Variants in TRIM28 observed in about 807,000 individuals in gnomAD.
TRIM28 encodes transcription intermediary factor 1-beta.
A neutral mutation model predicts 87.4 loss-of-function variants in TRIM28; 8 were observed. The ratio of observed to expected loss-of-function variants is 0.09; its 90% CI spans 0.05 to 0.17. TRIM28 has a LOEUF of 0.17. TRIM28 is among the 10% of genes least tolerant of loss of function. The pLI is 1.00. For synonymous variants in TRIM28, 601 were observed against 454.3 expected, an observed-to-expected ratio of 1.32 and a Z score of -4.11; for missense variants, 968 against 1,131.8, an observed-to-expected ratio of 0.86 and a Z score of 2.08.
At position 58,549,148 on chromosome 19, in the gene TRIM28, C is replaced by T. The variant is rs1306601955; in HGVS notation, c.1570C>T (p.Arg524Cys). ...TEDYNLIVIE[R>C]GAAAAATGQP... The stretch of plus-strand genomic sequence containing the variant: ...GGACTACAACCTTATTGTTATTGAA[C>T]GTGGCGCTGCCGCTGCAGCTACCGG... The change falls in exon 12 of 17, where the codon CGT (arginine) becomes TGT (cysteine). Residue 524 changes from arginine (R) to cysteine (C), a missense_variant. Physicochemically the swap from Arg to Cys is radical, Grantham distance 180. This residue lies in a region of TRIM28 where 23 missense variants were observed against 56.7 expected (regional missense o/e 0.41). Coordinates refer to ENST00000253024, the MANE Select transcript of TRIM28 (RefSeq NM_005762.3). The surrounding 1 kb of genome is among the most constrained non-coding windows in gnomAD (Gnocchi z 4.4). The T allele has an allele frequency of 7.4e-6, 12 of 1,613,974 alleles. No homozygotes were observed. The highest frequency in any genetic ancestry group is 2.2e-5 in the East Asian group (1 of 44,898).
At position 58,549,960 on chromosome 19, in the gene TRIM28, T is replaced by C; in HGVS notation, c.2118T>C (p.Arg706=). Residue 706 remains arginine (R), a synonymous_variant, in exon 15 of 17, where the codon CGT becomes CGC. Coordinates refer to ENST00000253024, the MANE Select transcript of TRIM28 (RefSeq NM_005762.3). The surrounding 1 kb of genome is among the most constrained non-coding windows in gnomAD (Gnocchi z 4.4). ...LSPANQRKCE[R]VLLALFCHEP... The stretch of plus-strand genomic sequence containing the variant: ...TACAATGTTTGTAGAAATGTGAGCG[T>C]GTACTGCTGGCCCTATTCTGTCACG... The C allele has an allele frequency of 6.2e-7, 1 of 1,614,050 alleles. No individual in the cohort carries two copies. Among genetic ancestry groups the C allele is most frequent in the Non-Finnish European group, 8.5e-7 (1 of 1,179,994 alleles).
rs1173221368 is a variant in TRIM28, at chr19:58,544,691, G to A, written c.-67G>A. On this transcript the variant is annotated 5_prime_UTR_variant, in exon 1 of 17. Transcript: ENST00000253024. ...AGCGGCCCAGCAGTTGGCGGCGAGC[G>A]CGTCTGCGCCTGCGCGGCGGGCCCC... 2.8e-6 allele frequency: 2 copies of A among 702,784 alleles called. No homozygotes were observed. The highest frequency in any genetic ancestry group is 2.0e-5 in the African/African-American group (1 of 50,874). 43.5% of individuals were successfully genotyped at this position (702,784 alleles called of 1,614,324 possible).
rs1298672984 is a variant in TRIM28, at chr19:58,544,775, G to GGCAGCCTCGGCAGCA, written c.21_35dup (p.Ala12_Ala16dup). The GGCAGCCTCGGCAGCA allele has an allele frequency of 8.6e-7, 1 of 1,156,274 alleles. No homozygotes were observed. The highest frequency in any genetic ancestry group is 1.1e-6 in the Non-Finnish European group (1 of 940,838). The allele number at this position is 1,156,274 out of a possible 1,614,324, so 71.6% of individuals were successfully genotyped here. A position where few individuals can be genotyped will look rare whatever the true frequency, so the allele number is the denominator to read the frequency against. ...GCGTGTGAATGGCGGCCTCCGCGGC[G>GGCAGCCTCGGCAGCA]GCAGCCTCGGCAGCAGCGGCCTCGG... On this transcript the variant is annotated inframe_insertion, in exon 1 of 17. Transcript: ENST00000253024.
At chr19:58,548,934 G>A (rs376609483) in intron 11 of TRIM28, 24 bp downstream of exon 11, 129 of 1,613,960 alleles carry the variant, frequency 8.0e-5, no homozygotes, top group Non-Finnish European at 9.8e-5. Flanking sequence ...CTCCCCTGGG[G>A]GTGAGGTGGA....
At position 58,550,538 on chromosome 19, in the gene TRIM28, T is replaced by C. The variant is rs755794087; in HGVS notation, c.2493T>C (p.Pro831=). ...GLSSQELSGG[P]GDGP ...GTTCCCAGGAGCTGTCTGGTGGCCC[T>C]GGTGATGGCCCCTGAGGCTGGAGCC... is the stretch of plus-strand genomic sequence containing the variant. Residue 831 remains proline, a synonymous_variant, in exon 17 of 17, where the codon CCT becomes CCC. Coordinates refer to ENST00000253024, the MANE Select transcript of TRIM28 (RefSeq NM_005762.3). 2.5e-6 allele frequency: 4 copies of C among 1,608,558 alleles called. No homozygotes were observed. The highest frequency in any genetic ancestry group is 3.4e-6 in the Non-Finnish European group (4 of 1,179,758).
intron 1 of TRIM28, 51 bp from the exon 2 acceptor site, chr19:58,545,374 A>G (rs537221411): frequency 3.4e-6 from 5 of 1,470,960 alleles, no homozygotes; most frequent in South Asian, 1.2e-5. Context: ...GGTGGGGGCC[A>G]TAACCTGGGT....
At position 58,550,657 on chromosome 19, in the gene TRIM28, C is replaced by T; in HGVS notation, c.*104C>T. The stretch of plus-strand genomic sequence containing the variant: ...ACTCCCACTCCCTGGTGGCCCCATC[C>T]CCCAGTTCCTCACGATATGGTTTTT... On this transcript the variant is annotated 3_prime_UTR_variant, in exon 17 of 17. Transcript: ENST00000253024. 3.4e-6 allele frequency: 4 copies of T among 1,161,562 alleles called. No individual in the cohort carries two copies. The highest frequency in any genetic ancestry group is 3.6e-6 in the Non-Finnish European group (3 of 836,924). 72.0% of individuals were successfully genotyped at this position (1,161,562 alleles called of 1,614,324 possible).
rs2053746901 is a variant in TRIM28 at position 58,544,939 on chromosome 19, T to C, written c.182T>C (p.Leu61Pro). 6.9e-7 allele frequency: 1 copy of C among 1,459,592 alleles called. No individual in the cohort carries two copies. The highest frequency in any genetic ancestry group is 9.0e-7 in the Non-Finnish European group (1 of 1,115,968). 90.4% of individuals were successfully genotyped at this position (1,459,592 alleles called of 1,614,324 possible). The change falls in exon 1 of 17, where the codon CTG (leucine) becomes CCG (proline). Residue 61 changes from leucine to proline, a missense_variant. This residue lies in a region of TRIM28 where 208 missense variants were observed against 170.9 expected (regional missense o/e 1.22). Transcript: ENST00000253024. ...PAGGGAEALE[L>P]LEHCGVCRER... The stretch of plus-strand genomic sequence containing the variant: ...GGGGGCGGCGCCGAGGCGCTGGAGC[T>C]GCTGGAGCACTGCGGCGTGTGCAGA...
chr19:58,548,846 T>C lies in TRIM28; in HGVS notation c.1361-16T>C. 1.2e-6 allele frequency: 2 copies of C among 1,614,044 alleles called. No individual in the cohort carries two copies. The highest frequency in any genetic ancestry group is 1.7e-6 in the Non-Finnish European group (2 of 1,179,974). On this transcript the variant is annotated splice_polypyrimidine_tract_variant and intron_variant, in intron 10 of 16. Coordinates refer to ENST00000253024, the MANE Select transcript of TRIM28 (RefSeq NM_005762.3). ...TTCTACCCCAACCTGCCAGTCTTCT[T>C]TCTCCATTTTCTAAGGAGATGATCC...
chr19:58,548,239 A>G (rs1339491110), intron 7 of TRIM28, 55 bp from the exon 8 acceptor site: 5 of 1,613,442 alleles, frequency 3.1e-6, no homozygotes, highest in East Asian at 2.2e-5. Context: ...CAATACCTCA[A>G]ATCCCTATTT....
At chr19:58,545,725 A>G (rs2053755902) in intron 2 of TRIM28, 39 bp from the exon 3 acceptor site, 3 of 1,586,574 alleles carry the variant, frequency 1.9e-6, no homozygotes, top group African/African-American at 1.3e-5. Context: ...GGATCTATCA[A>G]GTTGTCTTGC....
chr19:58,548,726 T>G lies in TRIM28; in HGVS notation c.1324-14T>G, dbSNP rs774985534. 1.2e-6 allele frequency: 2 copies of G among 1,613,566 alleles called. No individual in the cohort carries two copies. Among genetic ancestry groups the G allele is most frequent in the Non-Finnish European group, 1.7e-6 (2 of 1,179,986 alleles). On this transcript the variant is annotated splice_polypyrimidine_tract_variant and intron_variant, in intron 9 of 16. Transcript: ENST00000253024. Reference sequence around the variant, plus strand: ...CCTGTCCCACTGAGGCAGAGGGTTCTGCTTTGTTCACAGCCCATGGAGGTG... The same window carrying G: ...CCTGTCCCACTGAGGCAGAGGGTTCGGCTTTGTTCACAGCCCATGGAGGTG...
rs766014004 is a variant in TRIM28 at position 58,545,472 on chromosome 19, G to A, written c.388G>A (p.Val130Met). 5.0e-6 allele frequency: 8 copies of A among 1,612,722 alleles called. 1 individual carries two copies. The highest frequency in any genetic ancestry group is 1.1e-5 in the South Asian group (1 of 91,086). Residue 130 changes from valine to methionine, a missense_variant, in exon 2 of 17, where the codon GTG becomes ATG. Coordinates refer to ENST00000253024, the MANE Select transcript of TRIM28 (RefSeq NM_005762.3). ...CKQQCFSKDI[V>M]ENYFMRDSGS... Reference sequence around the variant, plus strand: ...GCAACAGTGCTTCTCCAAAGACATCGTGGAGAATTATTTCATGCGTGATAG... The same window carrying A: ...GCAACAGTGCTTCTCCAAAGACATCATGGAGAATTATTTCATGCGTGATAG...
In TRIM28 at chr19:58,548,600, GGA is replaced by G. The variant is rs769048188; in HGVS notation, c.1323+14_1323+15del. 1.9e-6 allele frequency: 3 copies of G among 1,612,778 alleles called. No individual in the cohort carries two copies. The Admixed American group carries it at 5.0e-5, about 27-fold the overall frequency. On this transcript the variant is annotated intron_variant, in intron 9 of 16. Transcript: ENST00000253024. ...GGCTCTGGCAGCAGCCAGGTGAGCA[GGA>G]GAGAGGACCCAGGAAGGGGTGGGCA...
chr19:58,550,015 A>G lies in TRIM28; in HGVS notation c.2173A>G (p.Thr725Ala). The G allele has an allele frequency of 1.9e-6, 3 of 1,614,050 alleles. No individual in the cohort carries two copies. The highest frequency in any genetic ancestry group is 2.5e-6 in the Non-Finnish European group (3 of 1,179,984). The change falls in exon 15 of 17, where the codon ACC becomes GCC. Residue 725 changes from threonine (T) to alanine (A), a missense_variant. Coordinates refer to ENST00000253024, the MANE Select transcript of TRIM28 (RefSeq NM_005762.3). ...EPCRPLHQLA[T>A]DSTFSLDQPG... ...CTGCCGCCCCCTGCATCAGCTGGCT[A>G]CCGACTCCACCTTCTCCCTGGTGAG...
chr19:58,550,636 CCA>C lies in TRIM28; in HGVS notation c.*85_*86del. 7.1e-7 allele frequency: 1 copy of C among 1,410,930 alleles called. No individual in the cohort carries two copies. The highest frequency in any genetic ancestry group is 9.5e-7 in the Non-Finnish European group (1 of 1,047,340). The allele number at this position is 1,410,930 out of a possible 1,614,324, so 87.4% of individuals were successfully genotyped here. A position where few individuals can be genotyped will look rare whatever the true frequency, so the allele number is the denominator to read the frequency against. On this transcript the variant is annotated 3_prime_UTR_variant, in exon 17 of 17. Transcript: ENST00000253024. ...CCCCACTCCCCTGGTGGCCTGACTC[CCA>C]CTCCCTGGTGGCCCCATCCCCCAGT...
At position 58,548,667 on chromosome 19, in the gene TRIM28, G is replaced by C. The variant is rs116135182; in HGVS notation, c.1324-73G>C. On this transcript the variant is annotated intron_variant, in intron 9 of 16. Transcript: ENST00000253024. ...GTAGCAGGAGAGAGGACCCAGGCAGGGGGGGTGGGCAGGGAATGGGGTCCA... is the reference window on the plus strand; with the variant it reads ...GTAGCAGGAGAGAGGACCCAGGCAGCGGGGGTGGGCAGGGAATGGGGTCCA... The C allele has an allele frequency of 9.0e-4, 1,438 of 1,606,078 alleles. 11 individuals are homozygous for C. The African/African-American group carries it at 0.017, about 19-fold the overall frequency.
rs1334326577 is a variant in TRIM28, at chr19:58,550,184, G to A, written c.2231G>A (p.Arg744His). The change falls in exon 16 of 17, where the codon CGT becomes CAT. Residue 744 changes from arginine to histidine, a missense_variant. Coordinates refer to ENST00000253024, the MANE Select transcript of TRIM28 (RefSeq NM_005762.3). ...GGCACCCTGGATCTGACCCTGATCC[G>A]TGCCCGCCTCCAGGAGAAGTTGTCA... ...PGGTLDLTLI[R>H]ARLQEKLSPP... is the part of the protein sequence containing the mutation. 1 of 1,613,990 alleles carries A rather than the reference G, an allele frequency of 6.2e-7. No individual in the cohort carries two copies. Among genetic ancestry groups the A allele is most frequent in the Non-Finnish European group, 8.5e-7 (1 of 1,179,992 alleles).
At position 58,549,695 on chromosome 19, in the gene TRIM28, C is replaced by G. The variant is rs755900665; in HGVS notation, c.1983-42C>G. 15 of 1,600,826 alleles carry G rather than the reference C, an allele frequency of 9.4e-6. No homozygotes were observed. Among genetic ancestry groups the G allele is most frequent in the Non-Finnish European group, 1.3e-5 (15 of 1,170,708 alleles). On this transcript the variant is annotated intron_variant, in intron 13 of 16. Coordinates refer to ENST00000253024, the MANE Select transcript of TRIM28 (RefSeq NM_005762.3). This position sits in a 1 kb window ranked among gnomAD's most constrained non-coding sequence, Gnocchi z 4.4. ...GGGTCAAGTCTGGGTGTTGGGCTGT[C>G]TGGACAGGATCATGTGCAGACCCTT...
Sources: gnomAD v4.1 joint callset for allele counts on GRCh38, gnomAD v4.1.1 for gene constraint, gnomAD v4.1.1 regional missense constraint, Gnocchi (gnomAD v3.1) non-coding constraint, MANE v1.5 for transcripts, NCBI Gene and HGNC (gene_info 2026-07-23, HGNC 2026-07-21) for gene names.